The following SHBG variants were observed in gnomAD, a reference collection of about 807,000 sequenced individuals.
SHBG encodes sex hormone binding globulin.
SHBG carries 37 observed loss-of-function variants against 41.9 expected under a neutral mutation model. That is an observed-to-expected ratio of 0.88 (90% confidence interval 0.68 to 1.16). The LOEUF is 1.16. SHBG is among the 50% of genes most tolerant of loss of function. The probability of loss-of-function intolerance (pLI) is 0.00; values close to 1 mark genes in which losing one functional copy is unlikely to be tolerated. For missense variants in SHBG, 466 were observed against 499.9 expected, an observed-to-expected ratio of 0.93 and a Z score of 0.65; for synonymous variants, 217 against 205.8, an observed-to-expected ratio of 1.05 and a Z score of -0.47.
At chr17:7,623,004 T>A (rs2072126818), upstream of SHBG, among the ~76,000 whole-genome samples, 1 of 147,576 alleles carries the variant, frequency 6.8e-6, no homozygotes, top group African/African-American at 2.5e-5. Context: ...GCCACTGCAC[T>A]CCAGCCTAGG....
intron 1 of SHBG, chr17:7,614,169 T>TA: frequency 1.5e-6 from 1 of 647,418 alleles, no homozygotes. Flanking sequence ...AAGGGGTCTC[T>TA]CCTGCGGAGC....
chr17:7,624,840 C>G (rs1428503166), upstream of SHBG, among the ~76,000 whole-genome samples: 1 of 147,476 alleles, frequency 6.8e-6, no homozygotes, highest in Non-Finnish European at 1.5e-5. Flanking sequence ...TTTGTAGAGA[C>G]GAGACTTTGC....
chr17:7,624,809 G>A (rs1275961997), upstream of SHBG, among the ~76,000 whole-genome samples: 3 of 151,202 alleles, frequency 2.0e-5, no homozygotes, highest in Non-Finnish European at 2.9e-5. Flanking sequence ...ATGCCATTGC[G>A]TGCTGGCTTT....
At position 7,630,227 on chromosome 17, in the gene SHBG, C is replaced by T. The variant is rs2072354659; in HGVS notation, c.55C>T (p.Leu19=). ...TSRLLLLLLL[L]LLRHTRQGWA... is the part of the protein sequence containing the mutation. ...GCGCCTGCTGCTGTTGCTGCTGTTGCTACTACTGCGTCACACCCGCCAGGG... is the reference window on the plus strand; with the variant it reads ...GCGCCTGCTGCTGTTGCTGCTGTTGTTACTACTGCGTCACACCCGCCAGGG... Residue 19 remains leucine, a synonymous_variant, in exon 1 of 8, where the codon CTA becomes TTA. Coordinates refer to ENST00000380450, the MANE Select transcript of SHBG (RefSeq NM_001040.5). The surrounding 1 kb of genome is among the most constrained non-coding windows in gnomAD (Gnocchi z 4.6). The T allele has an allele frequency of 6.2e-7, 1 of 1,612,512 alleles. No homozygotes were observed. The highest frequency in any genetic ancestry group is 8.5e-7 in the Non-Finnish European group (1 of 1,179,310).
rs1186025737 is a variant in SHBG at position 7,633,189 on chromosome 17, A to G, written c.1061-15A>G. On this transcript the variant is annotated splice_polypyrimidine_tract_variant and intron_variant, in intron 7 of 7. Coordinates refer to ENST00000380450, the MANE Select transcript of SHBG (RefSeq NM_001040.5). Reference sequence around the variant, plus strand: ...CTTAATGCTCTAATGCCACCTTTGCACTACCTCCCTCTAGGAGAAGACTCT... The same window carrying G: ...CTTAATGCTCTAATGCCACCTTTGCGCTACCTCCCTCTAGGAGAAGACTCT... 1 of 1,614,084 alleles carries G rather than the reference A, an allele frequency of 6.2e-7. No homozygotes were observed.
chr17:7,624,943 CT>C (rs907499817), upstream of SHBG, among the ~76,000 whole-genome samples: 4,294 of 93,740 alleles, frequency 0.046, 63 homozygotes, highest in East Asian at 0.12. Context: ...CAGGCGTGAG[CT>C]TTTTTTTTTT....
At chr17:7,632,603 T>A (rs150498522) in intron 6 of SHBG, 149 bp from the exon 7 acceptor site, 2 of 657,734 alleles carry the variant, frequency 3.0e-6, no homozygotes, top group Admixed American at 2.5e-5. Flanking sequence ...CCAAAAAAAA[T>A]TGGGGCAGGA....
At chr17:7,614,580 T>C in intron 1 of SHBG, 1 of 1,267,588 alleles carries the variant, frequency 7.9e-7, no homozygotes, top group Non-Finnish European at 1.0e-6. Context: ...GCAGCAGCAG[T>C]CTGAGTGCGG....
chr17:7,624,977 T>C, upstream of SHBG, among the ~76,000 whole-genome samples: 1 of 142,380 alleles, frequency 7.0e-6, no homozygotes. Context: ...GAGATGGAGT[T>C]TTGCTCTTGT....
At chr17:7,615,450 C>T (rs1032206604) in intron 1 of SHBG, among the ~76,000 whole-genome samples, 9 of 152,240 alleles carry the variant, frequency 5.9e-5, no homozygotes, top group Admixed American at 1.3e-4. Context: ...GAATCTGTAA[C>T]TCTCTACTGT....
chr17:7,618,852 C>T (rs1243772277), intron 1 of SHBG, among the ~76,000 whole-genome samples: 1 of 152,104 alleles, frequency 6.6e-6, no homozygotes, highest in African/African-American at 2.4e-5. Flanking sequence ...TGGACTGGAG[C>T]AGGTCTAAGA....
chr17:7,627,016 G>A (rs2072232717), upstream of SHBG: 1 of 1,613,958 alleles, frequency 6.2e-7, no homozygotes, highest in Non-Finnish European at 8.5e-7. This position sits in a 1 kb window ranked among gnomAD's most constrained non-coding sequence, Gnocchi z 4.8. Flanking sequence ...AGATGAAATA[G>A]TATATCCCAT....
chr17:7,631,602 TG>T lies in SHBG; in HGVS notation c.571del (p.Asp191MetfsTer29). On this transcript the variant is annotated frameshift_variant, in exon 5 of 8. Transcript: ENST00000380450. LOFTEE classifies it high-confidence loss of function. ...GTCACACTCCAGCTGGTTCCTGCCCTGGATGGCTGCCTGCGCCGGGATTCCT... is the reference window on the plus strand; with the variant it reads ...GTCACACTCCAGCTGGTTCCTGCCCTGATGGCTGCCTGCGCCGGGATTCCT... ...SNLRLPLVPALDGCLRRDSWL... is the reference protein window; with the variant it reads ...SNLRLPLVPAXDGCLRRDSWL... 4.3e-6 allele frequency: 7 copies of T among 1,614,126 alleles called. No individual in the cohort carries two copies. Among genetic ancestry groups the T allele is most frequent in the Non-Finnish European group, 5.9e-6 (7 of 1,180,030 alleles).
upstream of SHBG, chr17:7,626,440 G>T (rs746634611): frequency 5.5e-5 from 89 of 1,613,734 alleles, 1 homozygote; most frequent in South Asian, 9.8e-4. Flanking sequence ...TCCTCCTAGG[G>T]ATGGCGTCAC....
Position 7,630,982 on chromosome 17 carries a change from G to A in SHBG, c.393+113G>A, listed in dbSNP as rs1156359429. ...CACTGTCATCTCGTTTAATCCACAC[G>A]AACCCCCACAAAGTAGCTATTCTTG... On this transcript the variant is annotated intron_variant, in intron 3 of 7. Transcript: ENST00000380450. The surrounding 1 kb of genome is among the most constrained non-coding windows in gnomAD (Gnocchi z 4.6). The A allele has an allele frequency of 4.7e-6, 5 of 1,061,556 alleles. No individual in the cohort carries two copies. Among genetic ancestry groups the A allele is most frequent in the Admixed American group, 4.1e-5 (2 of 48,990 alleles). 65.8% of individuals were successfully genotyped at this position (1,061,556 alleles called of 1,614,324 possible).
chr17:7,630,271 T>C lies in SHBG; in HGVS notation c.99T>C (p.Val33=). Reference sequence around the variant, plus strand: ...GCCAGGGATGGGCCCTGAGACCTGTTCTCCCCACCCAGGTGCAGGAGCGGG... The same window carrying C: ...GCCAGGGATGGGCCCTGAGACCTGTCCTCCCCACCCAGGTGCAGGAGCGGG... ...HTRQGWALRP[V]LPTQSAHDPP... is the part of the protein sequence containing the mutation. The change falls in exon 1 of 8, where the codon GTT becomes GTC. Residue 33 remains valine (V), a synonymous_variant. Coordinates refer to ENST00000380450, the MANE Select transcript of SHBG (RefSeq NM_001040.5). This position sits in a 1 kb window ranked among gnomAD's most constrained non-coding sequence, Gnocchi z 4.6. 1.2e-6 allele frequency: 2 copies of C among 1,608,378 alleles called. No homozygotes were observed. Among genetic ancestry groups the C allele is most frequent in the South Asian group, 1.1e-5 (1 of 90,526 alleles).
intron 1 of SHBG, among the ~76,000 whole-genome samples, chr17:7,621,032 G>T (rs1026907383): frequency 2.2e-5 from 3 of 134,188 alleles, no homozygotes; most frequent in Non-Finnish European, 3.0e-5. Context: ...GGAGGTCAAG[G>T]TTGCAGTGAG....
chr17:7,614,429 C>T, intron 1 of SHBG: 1 of 1,498,846 alleles, frequency 6.7e-7, no homozygotes, highest in Non-Finnish European at 9.0e-7. Flanking sequence ...GGACCGGCGT[C>T]CCCAGTCGGC....
chr17:7,627,925 A>G, upstream of SHBG: 1 of 556,952 alleles, frequency 1.8e-6, no homozygotes. The surrounding 1 kb of genome is among the most constrained non-coding windows in gnomAD (Gnocchi z 4.8). Flanking sequence ...GAGAACAGGC[A>G]CGGCCGCGTC....
Sources: allele counts gnomAD v4.1 joint callset (sites outside exome capture counted in the v4.1 genomes callset), GRCh38; gene constraint gnomAD v4.1.1; non-coding constraint Gnocchi (gnomAD v3.1); transcripts MANE v1.5; gene names NCBI Gene and HGNC (gene_info 2026-07-23, HGNC 2026-07-21).